The following OR10J1 variants were observed in gnomAD, a reference collection of about 807,000 sequenced individuals.
OR10J1 encodes olfactory receptor 10J1.
For synonymous variants in OR10J1, 202 were observed against 143.8 expected (o/e 1.40, Z -2.89); for missense variants, 474 against 376.6 (o/e 1.26, Z -2.14).
chr1:159,414,568 C>A, the OR10J1 span, among the ~76,000 whole-genome samples: 2 of 150,808 alleles, frequency 1.3e-5, no homozygotes, highest in Non-Finnish European at 3.0e-5. Context: ...GTAGATATCT[C>A]TTCAATATAT....
the OR10J1 span, among the ~76,000 whole-genome samples, chr1:159,418,376 G>T: frequency 9.2e-5 from 14 of 152,258 alleles, no homozygotes; most frequent in Middle Eastern, 3.4e-3. Context: ...GTCTATTGGT[G>T]CCCTGAGTCC....
At chr1:159,419,981 T>C in the OR10J1 span, among the ~76,000 whole-genome samples, 2 of 152,200 alleles carry the variant, frequency 1.3e-5, no homozygotes, top group African/African-American at 4.8e-5. Flanking sequence ...GATGTAATAA[T>C]ATTTTTTGTA....
the OR10J1 span, among the ~76,000 whole-genome samples, chr1:159,403,004 C>T: frequency 6.6e-6 from 1 of 151,826 alleles, no homozygotes; most frequent in African/African-American, 2.4e-5. Flanking sequence ...AGAACACAAA[C>T]TAGGGGAAAA....
At chr1:159,414,746 T>C in the OR10J1 span, among the ~76,000 whole-genome samples, 1 of 152,048 alleles carries the variant, frequency 6.6e-6, no homozygotes, top group Admixed American at 6.6e-5. Context: ...TCTTCTGTTA[T>C]TTATTAATTT....
At chr1:159,432,232 CAG>C in the OR10J1 span, 1 of 400,780 alleles carries the variant, frequency 2.5e-6, no homozygotes, top group South Asian at 1.3e-4. Flanking sequence ...ATGGCTGTGA[CAG>C]AGTTTACATT....
chr1:159,399,532 C>G, the OR10J1 span, among the ~76,000 whole-genome samples: 4 of 131,808 alleles, frequency 3.0e-5, no homozygotes, highest in Admixed American at 1.7e-4. Flanking sequence ...GATCATGCCA[C>G]TGCACTCCAG....
At chr1:159,408,075 T>A in the OR10J1 span, among the ~76,000 whole-genome samples, 1 of 151,950 alleles carries the variant, frequency 6.6e-6, no homozygotes, top group Non-Finnish European at 1.5e-5. Flanking sequence ...GAAAAGTGAA[T>A]AAGGCTTATG....
the OR10J1 span, among the ~76,000 whole-genome samples, chr1:159,412,209 C>A: frequency 6.6e-6 from 1 of 151,974 alleles, no homozygotes; most frequent in African/African-American, 2.4e-5. Flanking sequence ...AATGGAAGAA[C>A]ATTCCATGCT....
upstream of OR10J1, among the ~76,000 whole-genome samples, chr1:159,434,166 A>G (rs994671940): frequency 6.6e-6 from 1 of 152,128 alleles, no homozygotes; most frequent in Non-Finnish European, 1.5e-5. Context: ...GACCTCAAAT[A>G]AGTTAATTCC....
the OR10J1 span, among the ~76,000 whole-genome samples, chr1:159,430,722 G>A: frequency 2.0e-5 from 3 of 151,388 alleles, no homozygotes; most frequent in Non-Finnish European, 2.9e-5. Flanking sequence ...CCAGAGTTAT[G>A]GGGGGTGGGG....
At chr1:159,424,507 G>A in the OR10J1 span, among the ~76,000 whole-genome samples, 1 of 150,400 alleles carries the variant, frequency 6.6e-6, no homozygotes, top group Non-Finnish European at 1.5e-5. Flanking sequence ...ACATGTATGT[G>A]TGTGTATATA....
chr1:159,440,479 G>T lies in OR10J1; in HGVS notation c.688G>T (p.Val230Phe). The change falls in exon 1 of 1, where the codon GTT becomes TTT. Residue 230 changes from valine (V) to phenylalanine (F), a missense_variant. By Grantham distance (50) the Val-to-Phe change is conservative (BLOSUM62 -1). Transcript: ENST00000423932. ...CTCTACAATCCTCAAGATTGCTTCA[G>T]TTGAGGGCCGGAAGAAGGCTTTTGC... ...IISTILKIAS[V>F]EGRKKAFATC... The T allele has an allele frequency of 6.2e-7, 1 of 1,614,116 alleles. No homozygotes were observed. Among genetic ancestry groups the T allele is most frequent in the Non-Finnish European group, 8.5e-7 (1 of 1,180,022 alleles).
the OR10J1 span, chr1:159,405,694 T>G: frequency 1.6e-6 from 1 of 616,190 alleles, no homozygotes. Flanking sequence ...TGAAGCAATC[T>G]TAAGGATGGT....
the OR10J1 span, among the ~76,000 whole-genome samples, chr1:159,398,374 G>A: frequency 6.6e-6 from 1 of 152,082 alleles, no homozygotes; most frequent in East Asian, 1.9e-4. Flanking sequence ...CATCAACATT[G>A]TCCAGGAAAA....
In OR10J1 at chr1:159,440,424, T is replaced by C; in HGVS notation, c.633T>C (p.Gly211=). Residue 211 remains glycine (G), a synonymous_variant, in exon 1 of 1, where the codon GGT becomes GGC. Transcript: ENST00000423932. ...ISVLVLVVPM[G]LVFISYVLII... ...TGCTGGTGCTTGTTGTACCTATGGGTCTGGTTTTCATTTCTTATGTTCTCA... is the reference window on the plus strand; with the variant it reads ...TGCTGGTGCTTGTTGTACCTATGGGCCTGGTTTTCATTTCTTATGTTCTCA... The C allele has an allele frequency of 6.2e-7, 1 of 1,614,110 alleles. No individual in the cohort carries two copies. Among genetic ancestry groups the C allele is most frequent in the Non-Finnish European group, 8.5e-7 (1 of 1,179,998 alleles).
At chr1:159,437,096 G>A (rs1655756850), upstream of OR10J1, among the ~76,000 whole-genome samples, 1 of 152,182 alleles carries the variant, frequency 6.6e-6, no homozygotes, top group Admixed American at 6.5e-5. Flanking sequence ...ACAACTCATG[G>A]AAAGTATTCA....
chr1:159,414,140 G>A, the OR10J1 span, among the ~76,000 whole-genome samples: 2 of 151,942 alleles, frequency 1.3e-5, no homozygotes, highest in African/African-American at 4.8e-5. Flanking sequence ...TTTACAATAC[G>A]TTGTTACTAG....
At chr1:159,399,057 A>G in the OR10J1 span, among the ~76,000 whole-genome samples, 2 of 152,112 alleles carry the variant, frequency 1.3e-5, no homozygotes, top group East Asian at 1.9e-4. Flanking sequence ...AAAACAAATA[A>G]CATACAATTA....
chr1:159,430,640 G>GGGGGGTGTGTGTGTGTGTGTGTGT, the OR10J1 span, among the ~76,000 whole-genome samples: 1 of 140,828 alleles, frequency 7.1e-6, no homozygotes, highest in African/African-American at 2.7e-5. Flanking sequence ...AAAAAATTAT[G>GGGGGGTGTGTGTGTGTGTGTGTGT]GTGTGTGTGT....
Sources: gnomAD v4.1 joint callset for allele counts (sites outside exome capture counted in the v4.1 genomes callset) on GRCh38, gnomAD v4.1.1 for gene constraint, MANE v1.5 for transcripts, NCBI Gene and HGNC (gene_info 2026-07-23, HGNC 2026-07-21) for gene names.